TCF7: variants seen among roughly 807,000 people sequenced by gnomAD.
TCF7 encodes the protein transcription factor 7.
A neutral mutation model predicts 46.8 loss-of-function variants in TCF7; 19 were observed. The ratio of observed to expected loss-of-function variants is 0.41; its 90% confidence interval spans 0.28 to 0.60. The LOEUF (loss-of-function observed/expected upper bound fraction) is 0.60. TCF7 is among the 20% of genes least tolerant of loss of function. The pLI is 0.35. For missense variants in TCF7, 547 were observed against 504.6 expected, an observed-to-expected ratio of 1.08 and a Z score of -0.81; for synonymous variants, 245 against 213.4, an observed-to-expected ratio of 1.15 and a Z score of -1.29.
At chr5:134,143,477 G>T in intron 8 of TCF7, 115 bp from the exon 9 acceptor site, 1 of 1,258,246 alleles carries the variant, frequency 7.9e-7, no homozygotes, top group South Asian at 1.2e-5. Flanking sequence ...AGCACCCCAA[G>T]GTAGGAGGGG....
rs187081218 is a variant in TCF7 at position 134,131,874 on chromosome 5, G to A, written c.442-6185G>A. The stretch of plus-strand genomic sequence containing the variant: ...GAGGGAAGGCACCTGGGCCGGAGGA[G>A]CAGGCTGACATGGCTGTGCCGTGGT... On this transcript the variant is annotated intron_variant, in intron 3 of 9. Transcript: ENST00000342854. Among the ~76,000 whole-genome samples, 6 of 152,382 alleles carry A rather than the reference G, an allele frequency of 3.9e-5. No homozygotes were observed. In the East Asian group the frequency reaches 1.2e-3, roughly 29 times the overall value.
intron 3 of TCF7, among the ~76,000 whole-genome samples, chr5:134,120,424 C>T (rs1174327509): frequency 6.6e-6 from 1 of 152,200 alleles, no homozygotes; most frequent in Non-Finnish European, 1.5e-5. Context: ...GCAGTGAAGT[C>T]GAAGCCACTC....
chr5:134,132,357 A>G (rs978420864), intron 3 of TCF7, among the ~76,000 whole-genome samples: 4 of 152,216 alleles, frequency 2.6e-5, no homozygotes, highest in Non-Finnish European at 4.4e-5. Flanking sequence ...TGCCTGGCAC[A>G]TAATAGGAGC....
intron 2 of TCF7, 164 bp from the exon 3 acceptor site, chr5:134,115,745 C>A: frequency 1.4e-6 from 2 of 1,451,162 alleles, no homozygotes; most frequent in Non-Finnish European, 9.0e-7. Context: ...CCCTCCAGGT[C>A]CTTCCCCTAA....
rs149140230 is a variant in TCF7, at chr5:134,142,265, C to A, written c.716C>A (p.Pro239His). ...ATCCCCCACCCGGCCATTGTGCCCCCCTCAGGGAAGCAGGAGCTGCAGCCC... is the reference window on the plus strand; with the variant it reads ...ATCCCCCACCCGGCCATTGTGCCCCACTCAGGGAAGCAGGAGCTGCAGCCC... The part of the protein sequence containing the change: ...AAIPHPAIVP[P>H]SGKQELQPFD... The change falls in exon 6 of 10, where the codon CCC becomes CAC. Residue 239 changes from proline (P) to histidine (H), a missense_variant. Physicochemically the swap from Pro to His is moderately conservative, Grantham distance 77. This residue lies in a region of TCF7 where 425 missense variants were observed against 349.9 expected (regional missense o/e 1.21). Coordinates refer to ENST00000342854, the MANE Select transcript of TCF7 (RefSeq NM_003202.5). 3.0e-5 allele frequency: 48 copies of A among 1,603,358 alleles called. No individual in the cohort carries two copies. The highest frequency in any genetic ancestry group is 4.4e-5 in the South Asian group (4 of 90,404).
At chr5:134,133,348 C>A (rs1319569056) in intron 3 of TCF7, among the ~76,000 whole-genome samples, 4 of 152,144 alleles carry the variant, frequency 2.6e-5, no homozygotes, top group African/African-American at 9.7e-5. Flanking sequence ...ATGCTCGGGG[C>A]CTGGTGGGGA....
intron 3 of TCF7, among the ~76,000 whole-genome samples, chr5:134,130,342 T>C (rs574120421): frequency 6.6e-6 from 1 of 152,322 alleles, no homozygotes; most frequent in South Asian, 2.1e-4. Context: ...CCATTGATGC[T>C]GGACAGTGGG....
upstream of TCF7, among the ~76,000 whole-genome samples, chr5:134,112,901 G>C (rs963161395): frequency 6.6e-6 from 1 of 152,152 alleles, no homozygotes; most frequent in Non-Finnish European, 1.5e-5. Context: ...TCATGGGTCT[G>C]GGGACAGCTA....
chr5:134,126,753 C>T (rs571292188), intron 3 of TCF7, among the ~76,000 whole-genome samples: 48 of 152,166 alleles, frequency 3.2e-4, no homozygotes, highest in Middle Eastern at 3.4e-3. Context: ...AAAAATTAGC[C>T]GGGTGCGGTG....
At chr5:134,131,881 G>A (rs1758175455) in intron 3 of TCF7, among the ~76,000 whole-genome samples, 1 of 152,254 alleles carries the variant, frequency 6.6e-6, no homozygotes, top group African/African-American at 2.4e-5. Context: ...GGAGCAGGCT[G>A]ACATGGCTGT....
At chr5:134,125,252 C>A (rs1736096889) in intron 3 of TCF7, among the ~76,000 whole-genome samples, 1 of 152,192 alleles carries the variant, frequency 6.6e-6, no homozygotes, top group African/African-American at 2.4e-5. Context: ...TGCTGGGCCG[C>A]CATCTGAAAC....
rs1760916232 is a variant in TCF7, at chr5:134,148,068, A to G, written c.*1765A>G. 1 of 152,588 alleles carries G rather than the reference A, an allele frequency of 6.6e-6. No individual in the cohort carries two copies. The highest frequency in any genetic ancestry group is 1.5e-5 in the Non-Finnish European group (1 of 68,044). The allele number at this position is 152,588 out of a possible 1,614,324, so 9.5% of individuals were successfully genotyped here. On this transcript the variant is annotated 3_prime_UTR_variant, in exon 10 of 10. Coordinates refer to ENST00000342854, the MANE Select transcript of TCF7 (RefSeq NM_003202.5). Reference sequence around the variant, plus strand: ...CCTACTTTAGCCACTGGTTTCTCAGAATCCAAAGATCACATATTCTAGTGT... The same window carrying G: ...CCTACTTTAGCCACTGGTTTCTCAGGATCCAAAGATCACATATTCTAGTGT...
At position 134,146,217 on chromosome 5, in the gene TCF7, T is replaced by C. The variant is rs762525807; in HGVS notation, c.1076-7T>C. The C allele has an allele frequency of 1.9e-6, 3 of 1,614,202 alleles. No individual in the cohort carries two copies. The highest frequency in any genetic ancestry group is 2.5e-6 in the Non-Finnish European group (3 of 1,180,030). ...TGTTTACAGATAACTCTCTTCACTA[T>C]TCCTAGGAGGAAAAAGAAATGCATT... On this transcript the variant is annotated splice_polypyrimidine_tract_variant and splice_region_variant and intron_variant, in intron 9 of 9. Coordinates refer to ENST00000342854, the MANE Select transcript of TCF7 (RefSeq NM_003202.5).
intron 1 of TCF7, 69 bp from the exon 2 acceptor site, chr5:134,115,252 C>A: frequency 1.4e-6 from 2 of 1,458,274 alleles, no homozygotes; most frequent in South Asian, 1.3e-5. Context: ...GCAGAGCGTC[C>A]CTGCCCCGGC....
chr5:134,143,062 A>G lies in TCF7; in HGVS notation c.988A>G (p.Met330Val). Residue 330 changes from methionine (M) to valine (V), a missense_variant, in exon 8 of 10, where the codon ATG (methionine) becomes GTG (valine). Coordinates refer to ENST00000342854, the MANE Select transcript of TCF7 (RefSeq NM_003202.5). ...GGCCCGCAAGGAGAGGCAGCTGCACATGCAGCTATACCCAGGCTGGTCAGC... is the reference window on the plus strand; with the variant it reads ...GGCCCGCAAGGAGAGGCAGCTGCACGTGCAGCTATACCCAGGCTGGTCAGC... ...ELARKERQLH[M>V]QLYPGWSARD... 6.2e-7 allele frequency: 1 copy of G among 1,611,122 alleles called. No individual in the cohort carries two copies. The highest frequency in any genetic ancestry group is 8.5e-7 in the Non-Finnish European group (1 of 1,178,718).
chr5:134,128,037 C>A (rs1205182852), intron 3 of TCF7, among the ~76,000 whole-genome samples: 1 of 152,208 alleles, frequency 6.6e-6, no homozygotes, highest in African/African-American at 2.4e-5. Context: ...GAGACTTGCG[C>A]CTAGTGGGTA....
chr5:134,127,110 G>T (rs542497061), intron 3 of TCF7, among the ~76,000 whole-genome samples: 1 of 152,106 alleles, frequency 6.6e-6, no homozygotes, highest in African/African-American at 2.4e-5. Flanking sequence ...GGGGCACTGC[G>T]GGCCAAGAAG....
intron 5 of TCF7, chr5:134,139,657 G>A (rs1404185329): frequency 2.6e-5 from 4 of 152,884 alleles, no homozygotes; most frequent in Non-Finnish European, 4.4e-5. Context: ...CTCAGCTGGA[G>A]TTGGGCCTTG....
Position 134,138,094 on chromosome 5 carries a change from A to T in TCF7, c.477A>T (p.Gln159His). ...ATCAGCCCCCCCACGGTGTCCCCCA[A>T]CTCTCTCTCTACGAACATTTCAACA... ...KANQPPHGVP[Q>H]LSLYEHFNSP... The change falls in exon 4 of 10, where the codon CAA becomes CAT. Residue 159 changes from glutamine to histidine, a missense_variant. By Grantham distance (24) the Gln-to-His change is conservative (BLOSUM62 0). Coordinates refer to ENST00000342854, the MANE Select transcript of TCF7 (RefSeq NM_003202.5). 3 of 1,609,436 alleles carry T rather than the reference A, an allele frequency of 1.9e-6. No homozygotes were observed. The highest frequency in any genetic ancestry group is 2.5e-6 in the Non-Finnish European group (3 of 1,177,922).
Sources: allele counts gnomAD v4.1 joint callset (sites outside exome capture counted in the v4.1 genomes callset), GRCh38; gene constraint gnomAD v4.1.1; regional missense constraint gnomAD v4.1.1; transcripts MANE v1.5; gene names NCBI Gene and HGNC (gene_info 2026-07-23, HGNC 2026-07-21).